SAMMSON: variants seen among roughly 807,000 people sequenced by gnomAD.
The protein encoded by SAMMSON is survival associated mitochondrial melanoma specific oncogenic non-coding RNA.
intron 4 of SAMMSON, among the ~76,000 whole-genome samples, chr3:70,216,436 T>C (rs931939678): frequency 3.9e-5 from 6 of 151,908 alleles, no homozygotes; most frequent in African/African-American, 1.5e-4. Context: ...GTACTGCTAG[T>C]GTCATTCCCA....
chr3:70,266,029 A>G (rs1314899129), intron 6 of SAMMSON, among the ~76,000 whole-genome samples: 1 of 151,998 alleles, frequency 6.6e-6, no homozygotes, highest in Non-Finnish European at 1.5e-5. Flanking sequence ...TCATATCACC[A>G]AAAAAGTTTG....
At chr3:70,093,439 A>C (rs558020024) in intron 4 of SAMMSON, among the ~76,000 whole-genome samples, 3 of 152,304 alleles carry the variant, frequency 2.0e-5, no homozygotes, top group African/African-American at 4.8e-5. Flanking sequence ...TGGATTGTAG[A>C]TCTTTCTGCC....
chr3:70,013,121 C>G (rs773397907), intron 2 of SAMMSON, among the ~76,000 whole-genome samples: 3 of 152,014 alleles, frequency 2.0e-5, no homozygotes, highest in African/African-American at 7.3e-5. Context: ...AGGTAAAACA[C>G]TTGAACAGTT....
chr3:70,309,884 G>A (rs968001324), intron 7 of SAMMSON, among the ~76,000 whole-genome samples: 3 of 152,066 alleles, frequency 2.0e-5, no homozygotes, highest in African/African-American at 4.8e-5. Flanking sequence ...CAATGCCTAC[G>A]CTGTACTTAA....
At chr3:70,425,400 A>ATTACTTATTTAT (rs1553664646) in intron 2 of SAMMSON, among the ~76,000 whole-genome samples, 1 of 150,572 alleles carries the variant, frequency 6.6e-6, no homozygotes, top group African/African-American at 2.5e-5. Context: ...CTATTTTTTT[A>ATTACTTATTTAT]TTATTTATTT....
chr3:70,302,807 C>T (rs933296136), intron 7 of SAMMSON: 1 of 152,158 alleles, frequency 6.6e-6, no homozygotes, highest in Non-Finnish European at 1.5e-5. Flanking sequence ...TGGTCATAGT[C>T]TGAAGCCTGA....
At chr3:70,236,496 GT>G (rs1701610399) in intron 4 of SAMMSON, among the ~76,000 whole-genome samples, 1 of 152,096 alleles carries the variant, frequency 6.6e-6, no homozygotes, top group South Asian at 2.1e-4. Flanking sequence ...AAGCCTTCAT[GT>G]ATTAGCAACC....
chr3:70,013,893 C>G (rs1257176609), intron 3 of SAMMSON: 1 of 152,088 alleles, frequency 6.6e-6, no homozygotes, highest in Non-Finnish European at 1.5e-5. Flanking sequence ...TGGCTAGATC[C>G]AACGGCTCTC....
intron 2 of SAMMSON, among the ~76,000 whole-genome samples, chr3:70,412,036 A>C (rs1701223932): frequency 6.6e-6 from 1 of 152,218 alleles, no homozygotes; most frequent in South Asian, 2.1e-4. Context: ...GTTTAGACTA[A>C]TTTTTAATGA....
chr3:70,122,233 C>T (rs1160470933), intron 4 of SAMMSON, among the ~76,000 whole-genome samples: 1 of 152,154 alleles, frequency 6.6e-6, no homozygotes, highest in Non-Finnish European at 1.5e-5. Context: ...CTCTCTGTCA[C>T]CCAGGCCGGA....
chr3:70,125,208 T>C (rs1212974076), intron 4 of SAMMSON: 2 of 1,434,406 alleles, frequency 1.4e-6, no homozygotes, highest in African/African-American at 1.4e-5. Flanking sequence ...GGAAGTCCAA[T>C]GGAAGCTTGT....
At chr3:70,150,697 T>C (rs1013677418) in intron 4 of SAMMSON, among the ~76,000 whole-genome samples, 19 of 152,096 alleles carry the variant, frequency 1.2e-4, no homozygotes, top group Non-Finnish European at 2.8e-4. Flanking sequence ...AACTGTAAGA[T>C]TACATGAGTG....
intron 4 of SAMMSON, among the ~76,000 whole-genome samples, chr3:70,182,608 C>G (rs971687049): frequency 2.6e-5 from 4 of 152,176 alleles, no homozygotes; most frequent in Non-Finnish European, 5.9e-5. Flanking sequence ...TTACCTCAAT[C>G]TCAATGATTT....
At chr3:70,226,836 A>C (rs1333864486) in intron 4 of SAMMSON, among the ~76,000 whole-genome samples, 1 of 152,138 alleles carries the variant, frequency 6.6e-6, no homozygotes, top group Non-Finnish European at 1.5e-5. Flanking sequence ...GGAAGTGTAA[A>C]AAAAATAGTG....
chr3:70,346,533 C>T (rs1434183167), intron 7 of SAMMSON, among the ~76,000 whole-genome samples: 1 of 151,968 alleles, frequency 6.6e-6, no homozygotes, highest in East Asian at 1.9e-4. Context: ...TTTAAACTTT[C>T]CTCCATACTA....
chr3:70,432,951 A>T (rs1395768460), intron 2 of SAMMSON, among the ~76,000 whole-genome samples: 1 of 152,016 alleles, frequency 6.6e-6, no homozygotes, highest in East Asian at 1.9e-4. Context: ...TTCATTCAGC[A>T]ATATGCATTT....
chr3:70,170,098 C>T (rs1460397666), intron 4 of SAMMSON, among the ~76,000 whole-genome samples: 1 of 151,890 alleles, frequency 6.6e-6, no homozygotes, highest in Non-Finnish European at 1.5e-5. Context: ...CTCATATGCT[C>T]ATCCAAGTAA....
chr3:70,138,653 G>A (rs2067515852), intron 4 of SAMMSON, among the ~76,000 whole-genome samples: 1 of 152,132 alleles, frequency 6.6e-6, no homozygotes, highest in Non-Finnish European at 1.5e-5. Context: ...GATACATTCA[G>A]TTCATATCAA....
At chr3:70,100,285 T>G (rs1376262147) in intron 4 of SAMMSON, among the ~76,000 whole-genome samples, 2 of 151,998 alleles carry the variant, frequency 1.3e-5, no homozygotes, top group Non-Finnish European at 2.9e-5. Flanking sequence ...TAACTAGAAC[T>G]ACAGATACGA....
Sources: allele counts gnomAD v4.1 joint callset (sites outside exome capture counted in the v4.1 genomes callset), GRCh38; gene constraint gnomAD v4.1.1; transcripts MANE v1.5; gene names NCBI Gene and HGNC (gene_info 2026-07-23, HGNC 2026-07-21).